PLEKHM1: variants seen among roughly 807,000 people sequenced by gnomAD.
The protein encoded by PLEKHM1 is pleckstrin homology and RUN domain containing M1, also known as pleckstrin homology domain-containing family M member 1.
PLEKHM1 carries 28 observed loss-of-function variants against 94.3 expected under a neutral mutation model. That is an observed-to-expected ratio of 0.30 (90% CI 0.22 to 0.41). PLEKHM1 has a LOEUF of 0.41. Ranked by LOEUF, PLEKHM1 falls within the 10% of genes least tolerant of loss-of-function variation. PLEKHM1 has a pLI of 1.00. For missense variants in PLEKHM1, 907 were observed against 1,358.6 expected (o/e 0.67, Z 5.22); for synonymous variants, 424 against 581.2 (o/e 0.73, Z 3.89).
intron 7 of PLEKHM1, 115 bp from the exon 8 acceptor site, chr17:45,450,878 A>G (rs2050756397): frequency 9.4e-6 from 6 of 636,664 alleles, no homozygotes; most frequent in African/African-American, 2.0e-5. Context: ...AGGCACAAAC[A>G]CAAGAATAAC....
chr17:45,471,805 T>C (rs966677716), intron 4 of PLEKHM1, among the ~76,000 whole-genome samples: 1 of 152,116 alleles, frequency 6.6e-6, no homozygotes, highest in African/African-American at 2.4e-5. Context: ...ATACCATCAA[T>C]TGAGCACTAT....
intron 1 of PLEKHM1, among the ~76,000 whole-genome samples, chr17:45,485,601 TAAG>T (rs1184963495): frequency 6.6e-6 from 1 of 152,108 alleles, no homozygotes. Context: ...AACAGTATGC[TAAG>T]AAGACAAAAT....
intron 5 of PLEKHM1, among the ~76,000 whole-genome samples, chr17:45,460,894 A>G (rs1452832678): frequency 1.3e-5 from 2 of 150,492 alleles, no homozygotes; most frequent in Admixed American, 6.6e-5. Context: ...TGTTGTTGTT[A>G]TTGTTGTTGA....
intron 2 of PLEKHM1, 27 bp downstream of exon 2, chr17:45,482,410 G>A (rs761857611): frequency 4.3e-5 from 35 of 820,306 alleles, no homozygotes; most frequent in Non-Finnish European, 5.3e-5. Flanking sequence ...GCCCTTCCCC[G>A]CCCTTGATCC....
intron 5 of PLEKHM1, among the ~76,000 whole-genome samples, chr17:45,461,364 C>T (rs2051147284): frequency 6.6e-6 from 1 of 152,156 alleles, no homozygotes; most frequent in African/African-American, 2.4e-5. Flanking sequence ...ATGGTGTGCC[C>T]TCTGGAGCAC....
rs546583779 is a variant in PLEKHM1 at position 45,475,256 on chromosome 17, G to A, written c.767C>T (p.Thr256Met). 51 of 1,613,960 alleles carry A rather than the reference G, an allele frequency of 3.2e-5. No individual in the cohort carries two copies. Among genetic ancestry groups the A allele is most frequent in the Middle Eastern group, 1.7e-4 (1 of 6,056 alleles). The change falls in exon 4 of 12, where the codon ACG becomes ATG. Residue 256 changes from threonine to methionine, a missense_variant. This residue lies in a region of PLEKHM1 where 477 missense variants were observed against 601.5 expected (regional missense o/e 0.79). Coordinates refer to ENST00000430334, the MANE Select transcript of PLEKHM1 (RefSeq NM_014798.3). ...GCAGGACAGCTGGGATGAACTGGCC[G>A]TGTCCAGGCTGAGGGAGGAGGCAGT... is the stretch of plus-strand genomic sequence containing the variant. ...KLTASSLSLD[T>M]ASSSQLSCSL...
intron 5 of PLEKHM1, among the ~76,000 whole-genome samples, chr17:45,467,084 T>C (rs1597970938): frequency 3.3e-5 from 5 of 152,202 alleles, no homozygotes; most frequent in Non-Finnish European, 7.4e-5. Flanking sequence ...TCATGCTATA[T>C]GTACAGCCAC....
At chr17:45,470,651 T>G (rs951195933) in intron 4 of PLEKHM1, among the ~76,000 whole-genome samples, 1 of 150,888 alleles carries the variant, frequency 6.6e-6, no homozygotes, top group African/African-American at 2.4e-5. Flanking sequence ...TAAAAAACGT[T>G]TGTGTGGTTT....
At chr17:45,484,654 C>T (rs184240306) in intron 1 of PLEKHM1, among the ~76,000 whole-genome samples, 3 of 152,350 alleles carry the variant, frequency 2.0e-5, no homozygotes. Context: ...ATGGCCCTCA[C>T]ATTTGGCTCA....
At chr17:45,476,248 T>C (rs1445429298) in intron 3 of PLEKHM1, among the ~76,000 whole-genome samples, 6 of 150,662 alleles carry the variant, frequency 4.0e-5, no homozygotes, top group Admixed American at 6.6e-5. Context: ...ATAATTTCCA[T>C]GTTCATTCCA....
chr17:45,434,967 CA>C (rs11369025), downstream of PLEKHM1, among the ~76,000 whole-genome samples: 19,238 of 97,888 alleles, frequency 0.2, 1,225 homozygotes, highest in Middle Eastern at 0.27. Context: ...AGACTGTATC[CA>C]AAAAAAAAAA....
chr17:45,445,510 C>G lies in PLEKHM1; in HGVS notation c.2797G>C (p.Gly933Arg), dbSNP rs1397820653. ...TTCAGGGCGCCACTCCGGCACAGGC[C>G]CAGGTAATCCCCCAGGAGCTTCAGC... is the stretch of plus-strand genomic sequence containing the variant. ...EQLKLLGDYL[G>R]LCRSGALKEL... Residue 933 changes from glycine to arginine, a missense_variant, in exon 9 of 12, where the codon GGC (glycine) becomes CGC (arginine). Physicochemically the swap from Gly to Arg is moderately radical, Grantham distance 125. Around this residue, in one of 3 missense-constraint regions of PLEKHM1, gnomAD observed 254 missense variants for 451.1 expected, o/e 0.56. Coordinates refer to ENST00000430334, the MANE Select transcript of PLEKHM1 (RefSeq NM_014798.3). This position sits in a 1 kb window ranked among gnomAD's most constrained non-coding sequence, Gnocchi z 4.2. 32 of 1,613,770 alleles carry G rather than the reference C, an allele frequency of 2.0e-5. No homozygotes were observed. The highest frequency in any genetic ancestry group is 2.6e-5 in the Non-Finnish European group (31 of 1,179,884).
At chr17:45,486,087 A>G (rs895310175) in intron 1 of PLEKHM1, among the ~76,000 whole-genome samples, 2 of 145,310 alleles carry the variant, frequency 1.4e-5, no homozygotes, top group East Asian at 2.1e-4. Context: ...TGCAGTGGTG[A>G]GCGCCTGTAG....
intron 5 of PLEKHM1, among the ~76,000 whole-genome samples, chr17:45,464,635 C>T (rs2051261965): frequency 6.6e-6 from 1 of 152,066 alleles, no homozygotes; most frequent in African/African-American, 2.4e-5. Flanking sequence ...GAGACAGACA[C>T]AGGACGGGGG....
chr17:45,434,646 T>C (rs939719470), downstream of PLEKHM1, among the ~76,000 whole-genome samples: 3 of 152,208 alleles, frequency 2.0e-5, no homozygotes, highest in South Asian at 2.1e-4. Context: ...GGTTTCACCA[T>C]GTTGGCCAGG....
chr17:45,442,578 T>C (rs1311753691), intron 9 of PLEKHM1, among the ~76,000 whole-genome samples: 1 of 152,184 alleles, frequency 6.6e-6, no homozygotes, highest in Non-Finnish European at 1.5e-5. Flanking sequence ...GCTAATTTTG[T>C]ACTTTTAGTA....
chr17:45,448,867 C>T (rs918356595), intron 8 of PLEKHM1, among the ~76,000 whole-genome samples: 3 of 151,984 alleles, frequency 2.0e-5, no homozygotes, highest in Non-Finnish European at 4.4e-5. Flanking sequence ...AAAAAGTACC[C>T]AAGGCATAAT....
chr17:45,459,400 TTC>T (rs2051083574), intron 5 of PLEKHM1: 1 of 152,228 alleles, frequency 6.6e-6, no homozygotes, highest in Non-Finnish European at 1.5e-5. Flanking sequence ...GCCTGCTTCT[TTC>T]TCTTAGTGGG....
intron 6 of PLEKHM1, chr17:45,454,514 A>G (rs2050884884): frequency 1.6e-6 from 1 of 617,174 alleles, no homozygotes; most frequent in Non-Finnish European, 2.9e-6. Flanking sequence ...CACCCAAAAG[A>G]TCCCCTCCAC....
Sources: allele counts gnomAD v4.1 joint callset (sites outside exome capture counted in the v4.1 genomes callset), GRCh38; gene constraint gnomAD v4.1.1; regional missense constraint gnomAD v4.1.1; non-coding constraint Gnocchi (gnomAD v3.1); transcripts MANE v1.5; gene names NCBI Gene and HGNC (gene_info 2026-07-23, HGNC 2026-07-21).